The following SYCP2 variants were observed in gnomAD, a reference collection of about 807,000 sequenced individuals.
SYCP2 encodes synaptonemal complex lateral element protein.
Under a neutral mutation model 211.3 loss-of-function variants are expected in SYCP2, and 55 were observed. The observed-to-expected ratio is 0.26, with a 90% confidence interval of 0.21 to 0.33. SYCP2 has a LOEUF of 0.33. Among genes scored for constraint, SYCP2 ranks in the 10% least tolerant of loss-of-function variants. SYCP2 has a pLI of 1.00. For synonymous variants in SYCP2, 570 were observed against 555.2 expected, an observed-to-expected ratio of 1.03 and a Z score of -0.37; for missense variants, 1,731 against 1,752.0, an observed-to-expected ratio of 0.99 and a Z score of 0.21.
At chr20:59,904,914 A>G (rs1179003449) in intron 15 of SYCP2, among the ~76,000 whole-genome samples, 1 of 152,172 alleles carries the variant, frequency 6.6e-6, no homozygotes, top group Non-Finnish European at 1.5e-5. Context: ...TGCCATATAA[A>G]TAACTAGCTT....
rs1600912315 is a variant in SYCP2 at position 59,901,819 on chromosome 20, A to G, written c.1034-9T>C. The G allele has an allele frequency of 6.4e-7, 1 of 1,570,824 alleles. No individual in the cohort carries two copies. The highest frequency in any genetic ancestry group is 8.6e-7 in the Non-Finnish European group (1 of 1,161,252). On this transcript the variant is annotated splice_polypyrimidine_tract_variant and intron_variant, in intron 15 of 44. Coordinates refer to ENST00000357552, the MANE Select transcript of SYCP2 (RefSeq NM_014258.4). ...CTTCTTTGATTCTCTCACTGTATAG[A>G]AACAACACTGATTAGTTTACGTTTC...
intron 14 of SYCP2, among the ~76,000 whole-genome samples, chr20:59,911,373 C>T (rs1440454683): frequency 6.6e-6 from 1 of 152,132 alleles, no homozygotes; most frequent in African/African-American, 2.4e-5. Context: ...AAGTTAGGTC[C>T]ACTTGTCACT....
chr20:59,875,241 C>CA, intron 34 of SYCP2, 30 bp downstream of exon 34: 1 of 1,417,024 alleles, frequency 7.1e-7, no homozygotes, highest in African/African-American at 1.4e-5. Flanking sequence ...ATTGAATATT[C>CA]AAGTAAAGAA....
At chr20:59,886,121 C>G (rs562798770) in intron 25 of SYCP2, among the ~76,000 whole-genome samples, 157 bp from the exon 26 acceptor site, 12 of 152,140 alleles carry the variant, frequency 7.9e-5, no homozygotes, top group African/African-American at 2.9e-4. Flanking sequence ...CTACTTCACT[C>G]ACAGTAAACA....
chr20:59,890,751 G>C (rs2059890555), intron 24 of SYCP2, among the ~76,000 whole-genome samples: 1 of 151,272 alleles, frequency 6.6e-6, no homozygotes, highest in Non-Finnish European at 1.5e-5. Flanking sequence ...ATTAGGTTTT[G>C]TGCTCCCAGA....
intron 28 of SYCP2, 58 bp downstream of exon 28, chr20:59,881,887 A>T: frequency 7.4e-7 from 1 of 1,358,476 alleles, no homozygotes; most frequent in Non-Finnish European, 1.0e-6. Context: ...TAATAACTGC[A>T]TGGTAAATGC....
In SYCP2 at chr20:59,870,000, A is replaced by G. The variant is rs1233148566; in HGVS notation, c.3556-17T>C. 1.3e-6 allele frequency: 2 copies of G among 1,513,650 alleles called. No individual in the cohort carries two copies. Among genetic ancestry groups the G allele is most frequent in the Non-Finnish European group, 1.8e-6 (2 of 1,121,260 alleles). The allele number at this position is 1,513,650 out of a possible 1,614,324, so 93.8% of individuals were successfully genotyped here. On this transcript the variant is annotated splice_polypyrimidine_tract_variant and intron_variant, in intron 35 of 44. Transcript: ENST00000357552. ...ATGTCTGGGCTATGAATGAAGACAT[A>G]CAAAAACCCAATAAGAAGTTACAAA... is the stretch of plus-strand genomic sequence containing the variant.
chr20:59,922,156 G>A (rs1478492698), intron 3 of SYCP2, among the ~76,000 whole-genome samples: 1 of 151,444 alleles, frequency 6.6e-6, no homozygotes, highest in Non-Finnish European at 1.5e-5. Flanking sequence ...TCTTTTCAAT[G>A]TAAAAGGTAG....
intron 24 of SYCP2, among the ~76,000 whole-genome samples, chr20:59,891,398 TTA>T (rs1477811268): frequency 2.0e-5 from 3 of 152,120 alleles, no homozygotes; most frequent in Non-Finnish European, 2.9e-5. Context: ...TAAAAATGTC[TTA>T]GAGATGTTCT....
chr20:59,913,523 CCTA>C (rs1334815703), intron 12 of SYCP2, among the ~76,000 whole-genome samples: 3 of 152,044 alleles, frequency 2.0e-5, no homozygotes, highest in African/African-American at 7.2e-5. Flanking sequence ...TCAGAAAGAT[CCTA>C]CTTACTGTAT....
intron 24 of SYCP2, among the ~76,000 whole-genome samples, chr20:59,887,361 T>C (rs1480942298): frequency 6.6e-6 from 1 of 152,158 alleles, no homozygotes; most frequent in Non-Finnish European, 1.5e-5. Flanking sequence ...TATTCCATGG[T>C]GTATTTGTGC....
chr20:59,927,441 A>G (rs1412540081), intron 2 of SYCP2, among the ~76,000 whole-genome samples: 2 of 152,098 alleles, frequency 1.3e-5, no homozygotes, highest in Non-Finnish European at 2.9e-5. Flanking sequence ...AAACAGTGAC[A>G]TTTCTGCCTC....
chr20:59,911,211 A>G (rs1400229437), intron 14 of SYCP2, among the ~76,000 whole-genome samples: 1 of 152,176 alleles, frequency 6.6e-6, no homozygotes, highest in Non-Finnish European at 1.5e-5. Context: ...TGGCTCAAGG[A>G]TTTTCCTCAG....
chr20:59,907,231 A>G, intron 15 of SYCP2, 133 bp downstream of exon 15: 1 of 643,994 alleles, frequency 1.6e-6, no homozygotes, highest in Non-Finnish European at 2.7e-6. Flanking sequence ...GTGTTTGATG[A>G]ATTTCTGAAT....
At chr20:59,867,295 T>G (rs1568900527) in intron 39 of SYCP2, among the ~76,000 whole-genome samples, 1 of 151,678 alleles carries the variant, frequency 6.6e-6, no homozygotes, top group African/African-American at 2.4e-5. Flanking sequence ...CCTCAAAAAC[T>G]AAGACTACAT....
chr20:59,893,686 T>C, intron 20 of SYCP2, 93 bp from the exon 21 acceptor site: 1 of 819,648 alleles, frequency 1.2e-6, no homozygotes, highest in Non-Finnish European at 1.9e-6. Flanking sequence ...TTAAAACAAA[T>C]CTGCCTTGAT....
At chr20:59,911,685 TAAAG>T (rs2060330937) in intron 14 of SYCP2, 61 bp downstream of exon 14, 10 of 664,768 alleles carry the variant, frequency 1.5e-5, no homozygotes, top group Non-Finnish European at 2.4e-5. Flanking sequence ...TCCACATTCT[TAAAG>T]TAAGTAAAAA....
intron 38 of SYCP2, 93 bp from the exon 39 acceptor site, chr20:59,867,940 C>T: frequency 1.1e-6 from 1 of 892,730 alleles, no homozygotes; most frequent in Non-Finnish European, 1.7e-6. Context: ...ATCTTATTTT[C>T]CGAATCTATG....
intron 2 of SYCP2, among the ~76,000 whole-genome samples, chr20:59,930,956 TAA>T (rs1184258852): frequency 2.0e-5 from 3 of 152,326 alleles, no homozygotes; most frequent in South Asian, 2.1e-4. Flanking sequence ...AGTAAATAAG[TAA>T]AAGTCTTCAT....
Sources: allele counts gnomAD v4.1 joint callset (sites outside exome capture counted in the v4.1 genomes callset), GRCh38; gene constraint gnomAD v4.1.1; transcripts MANE v1.5; gene names NCBI Gene and HGNC (gene_info 2026-07-23, HGNC 2026-07-21).